ZNF718: variants seen among roughly 807,000 people sequenced by gnomAD.
ZNF718 encodes the protein zinc finger protein 718.
In ZNF718, 3 loss-of-function variants were observed where a neutral mutation model predicts 2.6. The observed-to-expected ratio is 1.16, with a 90% CI of 0.53 to 3.01. ZNF718 has a LOEUF of 3.01. ZNF718 is among the 30% of genes most tolerant of loss of function. The pLI, the probability that ZNF718 is intolerant of heterozygous loss-of-function variation, is 0.03. For missense variants in ZNF718, 468 were observed against 230.0 expected (o/e 2.03, Z -6.69); for synonymous variants, 135 against 77.9 (o/e 1.73, Z -3.86).
chr4:176,980 C>G (rs782727716), intron 3 of ZNF718, among the ~76,000 whole-genome samples: 1 of 152,198 alleles, frequency 6.6e-6, no homozygotes, highest in Non-Finnish European at 1.5e-5. Flanking sequence ...GATGCAGGCT[C>G]ATCTCTGCCT....
chr4:181,908 A>T (rs568621286), intron 3 of ZNF718, among the ~76,000 whole-genome samples: 1 of 152,310 alleles, frequency 6.6e-6, no homozygotes, highest in African/African-American at 2.4e-5. Flanking sequence ...AAGTGAGAAC[A>T]TGCAGTATTT....
At chr4:183,838 AT>A (rs1298504985) in intron 3 of ZNF718, among the ~76,000 whole-genome samples, 7 of 149,760 alleles carry the variant, frequency 4.7e-5, no homozygotes, top group South Asian at 2.1e-4. Context: ...AATGCTAGAG[AT>A]TTTTTTTTTC....
At chr4:189,059 A>ATT (rs1228743332) in intron 3 of ZNF718, among the ~76,000 whole-genome samples, 5 of 134,822 alleles carry the variant, frequency 3.7e-5, no homozygotes, top group Non-Finnish European at 6.3e-5. Context: ...TCTGTAGATT[A>ATT]TTTTTTTTTT....
downstream of ZNF718, among the ~76,000 whole-genome samples, chr4:164,661 G>T (rs1360298266): frequency 1.3e-5 from 2 of 152,144 alleles, no homozygotes; most frequent in African/African-American, 4.8e-5. Context: ...TGTTCACAAT[G>T]TGTGTGTTAA....
intron 3 of ZNF718, among the ~76,000 whole-genome samples, chr4:152,325 C>T (rs1315475883): frequency 6.7e-4 from 88 of 130,386 alleles, no homozygotes; most frequent in Non-Finnish European, 8.9e-4. Flanking sequence ...CAGGTCTTTC[C>T]CTTCCCACGA....
intron 3 of ZNF718, among the ~76,000 whole-genome samples, chr4:180,252 TTC>T (rs1717436984): frequency 6.6e-6 from 1 of 152,228 alleles, no homozygotes; most frequent in Non-Finnish European, 1.5e-5. Flanking sequence ...CTGAAACTAA[TTC>T]CAGTTGTCTA....
rs1470484698 is a variant in ZNF718 at position 127,287 on chromosome 4, C to G, written c.3+2614C>G. ...AAGTGCAGCAAGGTGCTCCCCAAAT[C>G]TGCAAACAAAATAGTCTCTCTATTT... On this transcript the variant is annotated intron_variant, in intron 1 of 3. Transcript: ENST00000510175. Among the ~76,000 whole-genome samples, 3 of 104,614 alleles carry G rather than the reference C, an allele frequency of 2.9e-5. 1 individual carries two copies. The highest frequency in any genetic ancestry group is 1.0e-4 in the Admixed American group (1 of 9,746). The allele number at this position is 104,614 out of a possible 152,430, so 68.6% of individuals were successfully genotyped here. A position where few individuals can be genotyped will look rare whatever the true frequency, so the allele number is the denominator to read the frequency against.
chr4:176,196 A>G (rs1415907572), intron 3 of ZNF718, among the ~76,000 whole-genome samples: 9 of 152,166 alleles, frequency 5.9e-5, no homozygotes, highest in Admixed American at 2.6e-4. Flanking sequence ...GCCTCAACCC[A>G]GCTGTGCATG....
chr4:176,265 C>T (rs1717344454), intron 3 of ZNF718, among the ~76,000 whole-genome samples: 1 of 152,158 alleles, frequency 6.6e-6, no homozygotes, highest in Admixed American at 6.6e-5. Context: ...GGCAACTACT[C>T]AAGCCCAACT....
At chr4:170,941 G>T (rs1215997865) in intron 3 of ZNF718, among the ~76,000 whole-genome samples, 2 of 152,120 alleles carry the variant, frequency 1.3e-5, no homozygotes, top group Non-Finnish European at 2.9e-5. Flanking sequence ...AGAGTTTCCA[G>T]TTTTTCTGCT....
chr4:149,881 T>C (rs1326327145), intron 3 of ZNF718: 1 of 152,106 alleles, frequency 6.6e-6, no homozygotes, highest in African/African-American at 2.4e-5. Context: ...ATAATAGTTA[T>C]AAAAAAATAA....
intron 3 of ZNF718, among the ~76,000 whole-genome samples, chr4:193,470 T>A (rs1408965753): frequency 6.6e-6 from 1 of 152,086 alleles, no homozygotes; most frequent in Non-Finnish European, 1.5e-5. Flanking sequence ...TTCTCCTAAT[T>A]CTAGTGTATA....
At chr4:169,317 T>A (rs1488648035) in intron 3 of ZNF718, among the ~76,000 whole-genome samples, 1 of 152,180 alleles carries the variant, frequency 6.6e-6, no homozygotes, top group African/African-American at 2.4e-5. Context: ...CTGAGAAGAA[T>A]GTATATTCTG....
chr4:144,410 G>A (rs1406758112), intron 3 of ZNF718, among the ~76,000 whole-genome samples: 4 of 152,116 alleles, frequency 2.6e-5, no homozygotes, highest in Admixed American at 6.5e-5. Context: ...TTTAATTACG[G>A]TAGCTCTGTT....
chr4:198,673 A>T (rs1175999881), intron 3 of ZNF718, among the ~76,000 whole-genome samples: 1 of 152,176 alleles, frequency 6.6e-6, no homozygotes, highest in Non-Finnish European at 1.5e-5. Context: ...ATTACACTAT[A>T]TTAATACATA....
rs1268150151 is a variant in ZNF718, at chr4:124,614, C to T, written c.-57C>T. 19 of 1,602,062 alleles carry T rather than the reference C, an allele frequency of 1.2e-5. No homozygotes were observed. In the East Asian group the frequency reaches 2.9e-4, roughly 24 times the overall value. On this transcript the variant is annotated 5_prime_UTR_variant, in exon 1 of 4. Transcript: ENST00000510175. Reference sequence around the variant, plus strand: ...AGCCTCAGCCTCTGTGGCTCTGTGACCTGCCGGTATTGGATGATTCGTATC... The same window carrying T: ...AGCCTCAGCCTCTGTGGCTCTGTGATCTGCCGGTATTGGATGATTCGTATC...
intron 3 of ZNF718, among the ~76,000 whole-genome samples, chr4:173,216 A>G (rs1717275476): frequency 6.6e-6 from 1 of 151,838 alleles, no homozygotes. Flanking sequence ...TACTTACAGC[A>G]TAATTTTAAA....
At chr4:151,302 C>T (rs1553812486) in intron 3 of ZNF718, among the ~76,000 whole-genome samples, 2 of 151,514 alleles carry the variant, frequency 1.3e-5, no homozygotes, top group African/African-American at 4.9e-5. Flanking sequence ...GACGGGGTTT[C>T]ACCGTGTTGC....
chr4:174,755 A>G (rs1717315053), intron 3 of ZNF718, among the ~76,000 whole-genome samples: 1 of 152,186 alleles, frequency 6.6e-6, no homozygotes, highest in East Asian at 1.9e-4. Flanking sequence ...GTAATTTCCA[A>G]GGCCCTTCTC....
Sources: allele counts gnomAD v4.1 joint callset (sites outside exome capture counted in the v4.1 genomes callset), GRCh38; gene constraint gnomAD v4.1.1; transcripts MANE v1.5; gene names NCBI Gene and HGNC (gene_info 2026-07-23, HGNC 2026-07-21).